The following C1orf198 variants were observed in gnomAD, a reference collection of about 807,000 sequenced individuals.
C1orf198 encodes uncharacterized protein C1orf198.
A neutral mutation model predicts 31.4 loss-of-function variants in C1orf198; 17 were observed. The observed-to-expected ratio is 0.54, with a 90% confidence interval of 0.37 to 0.81. The LOEUF (loss-of-function observed/expected upper bound fraction) is 0.81. Ranked by LOEUF, C1orf198 falls within the 40% of genes least tolerant of loss-of-function variation. The pLI, the probability that C1orf198 is intolerant of heterozygous loss-of-function variation, is 0.00. For missense variants in C1orf198, 401 were observed against 450.3 expected (o/e 0.89, Z 0.99); for synonymous variants, 175 against 193.8 (o/e 0.90, Z 0.81).
Position 230,857,214 on chromosome 1 carries a change from G to A in C1orf198, c.334-1496C>T, listed in dbSNP as rs1296967558. Among the ~76,000 whole-genome samples, 1 of 152,174 alleles carries A rather than the reference G, an allele frequency of 6.6e-6. No homozygotes were observed. Among genetic ancestry groups the A allele is most frequent in the Non-Finnish European group, 1.5e-5 (1 of 68,028 alleles). ...AAGAAGCGGGGACAGGGAAGGAAGT[G>A]TGTGATGACTCCCCAGCACAGCCCA... On this transcript the variant is annotated intron_variant, in intron 1 of 3. Transcript: ENST00000366663. This position sits in a 1 kb window ranked among gnomAD's most constrained non-coding sequence, Gnocchi z 4.2.
intron 2 of C1orf198, among the ~76,000 whole-genome samples, chr1:230,852,790 A>G (rs889588181): frequency 1.3e-5 from 2 of 152,266 alleles, no homozygotes; most frequent in Non-Finnish European, 2.9e-5. Flanking sequence ...GAATGACATC[A>G]TACAATCTTA....
At chr1:230,860,298 G>A (rs570450807) in intron 1 of C1orf198, among the ~76,000 whole-genome samples, 6 of 152,156 alleles carry the variant, frequency 3.9e-5, no homozygotes, top group East Asian at 1.9e-4. Flanking sequence ...AAAACGGTTC[G>A]GCAGTTCCTC....
chr1:230,861,600 G>A (rs1375868083), intron 1 of C1orf198, among the ~76,000 whole-genome samples: 1 of 152,222 alleles, frequency 6.6e-6, no homozygotes, highest in Non-Finnish European at 1.5e-5. Flanking sequence ...ACCAGCAAAT[G>A]CTAGAAGTCA....
intron 1 of C1orf198, among the ~76,000 whole-genome samples, chr1:230,856,844 T>C (rs1189813316): frequency 6.6e-6 from 1 of 152,232 alleles, no homozygotes; most frequent in Non-Finnish European, 1.5e-5. Flanking sequence ...CCTGGATAAC[T>C]GTCTTCTTCC....
In C1orf198 at chr1:230,859,936, T is replaced by C. The variant is rs192083612; in HGVS notation, c.334-4218A>G. Among the ~76,000 whole-genome samples, 7 of 152,302 alleles carry C rather than the reference T, an allele frequency of 4.6e-5. No homozygotes were observed. In the East Asian group the frequency reaches 7.7e-4, roughly 17 times the overall value. On this transcript the variant is annotated intron_variant, in intron 1 of 3. Coordinates refer to ENST00000366663, the MANE Select transcript of C1orf198 (RefSeq NM_032800.3). ...ACTTGTTGATAAAAAAAATGGATAC[T>C]GGAGGGCTTAAGAACTCTGTGGTTC... is the stretch of plus-strand genomic sequence containing the variant.
chr1:230,861,728 G>A (rs1380109119), intron 1 of C1orf198, among the ~76,000 whole-genome samples: 4 of 152,190 alleles, frequency 2.6e-5, no homozygotes, highest in African/African-American at 4.8e-5. Context: ...GATGGATAGC[G>A]CCTGCAGAGG....
intron 1 of C1orf198, among the ~76,000 whole-genome samples, chr1:230,865,399 T>G (rs1272087123): frequency 1.3e-5 from 2 of 152,242 alleles, no homozygotes; most frequent in East Asian, 3.8e-4. Flanking sequence ...TGAGATCATA[T>G]GTTCACACGT....
At chr1:230,866,323 T>A (rs1670120100) in intron 1 of C1orf198, among the ~76,000 whole-genome samples, 1 of 152,222 alleles carries the variant, frequency 6.6e-6, no homozygotes, top group Non-Finnish European at 1.5e-5. Context: ...CCCTCTGCTG[T>A]CTGAGCTGAG....
At position 230,868,447 on chromosome 1, in the gene C1orf198, CAGA is replaced by C. The variant is rs1224541820; in HGVS notation, c.63_65del (p.Leu22del). ...TGAAGCGCTTTCGCTCCCGGTCGTC[CAGA>C]GGCCGGTTCCCGCTCATGACCGCCG... On this transcript the variant is annotated inframe_deletion, in exon 1 of 4. Transcript: ENST00000366663. 1 of 1,573,444 alleles carries C rather than the reference CAGA, an allele frequency of 6.4e-7. No homozygotes were observed. The highest frequency in any genetic ancestry group is 1.8e-5 in the Admixed American group (1 of 56,724).
intron 2 of C1orf198, among the ~76,000 whole-genome samples, chr1:230,850,923 C>G (rs1669723719): frequency 6.6e-6 from 1 of 152,110 alleles, no homozygotes; most frequent in Non-Finnish European, 1.5e-5. Context: ...ACAGATAGAC[C>G]TGAGCTCCAA....
chr1:230,849,974 A>C (rs1221325826), intron 2 of C1orf198, among the ~76,000 whole-genome samples: 1 of 152,184 alleles, frequency 6.6e-6, no homozygotes, highest in Non-Finnish European at 1.5e-5. Context: ...GTAAGCAAAC[A>C]AACATCCACC....
intron 2 of C1orf198, among the ~76,000 whole-genome samples, chr1:230,850,273 G>C (rs540135096): frequency 8.5e-5 from 13 of 152,386 alleles, no homozygotes; most frequent in African/African-American, 2.9e-4. Flanking sequence ...GCTTAGGACT[G>C]CCTGGTTCAC....
chr1:230,857,097 C>T lies in C1orf198; in HGVS notation c.334-1379G>A, dbSNP rs1336247454. On this transcript the variant is annotated intron_variant, in intron 1 of 3. Coordinates refer to ENST00000366663, the MANE Select transcript of C1orf198 (RefSeq NM_032800.3). The surrounding 1 kb of genome is among the most constrained non-coding windows in gnomAD (Gnocchi z 4.2). ...CCCGAGTGTGCGTTCTCTGTGCAGA[C>T]GCCTCCTAACATGAACAGCCAGTGG... 3.3e-5 allele frequency among the ~76,000 whole-genome samples: 5 copies of T among 152,156 alleles called. No homozygotes were observed. Among genetic ancestry groups the T allele is most frequent in the Non-Finnish European group, 7.3e-5 (5 of 68,032 alleles).
At chr1:230,847,806 T>C (rs139505531) in intron 2 of C1orf198, among the ~76,000 whole-genome samples, 195 of 152,336 alleles carry the variant, frequency 1.3e-3, no homozygotes, top group African/African-American at 4.4e-3. Context: ...GGGGACAAAG[T>C]TGACTTTGAT....
chr1:230,860,429 C>A lies in C1orf198; in HGVS notation c.334-4711G>T, dbSNP rs376111202. Reference sequence around the variant, plus strand: ...CCCCGATGTTTATAGCTGTGCCATTCACAATAGCCAAAAGATGAAAGCAAC... The same window carrying A: ...CCCCGATGTTTATAGCTGTGCCATTAACAATAGCCAAAAGATGAAAGCAAC... On this transcript the variant is annotated intron_variant, in intron 1 of 3. Transcript: ENST00000366663. 4.8e-4 allele frequency among the ~76,000 whole-genome samples: 73 copies of A among 152,254 alleles called. No homozygotes were observed. In the East Asian group the frequency reaches 0.013, roughly 27 times the overall value.
intron 1 of C1orf198, among the ~76,000 whole-genome samples, chr1:230,856,786 C>T (rs1669884514): frequency 6.6e-6 from 1 of 152,162 alleles, no homozygotes; most frequent in South Asian, 2.1e-4. Flanking sequence ...GAGATCATAT[C>T]CATATCTCCC....
rs1489398310 is a variant in C1orf198, at chr1:230,857,797, C to A, written c.334-2079G>T. On this transcript the variant is annotated intron_variant, in intron 1 of 3. Coordinates refer to ENST00000366663, the MANE Select transcript of C1orf198 (RefSeq NM_032800.3). This position sits in a 1 kb window ranked among gnomAD's most constrained non-coding sequence, Gnocchi z 4.2. ...GAATTACAAAAGTGAGGGAAAAGCC[C>A]TACAAACTGGGTTAAGCTGCATTAA... 6.6e-6 allele frequency among the ~76,000 whole-genome samples: 1 copy of A among 152,154 alleles called. No homozygotes were observed. Among genetic ancestry groups the A allele is most frequent in the Non-Finnish European group, 1.5e-5 (1 of 68,038 alleles).
rs549059928 is a variant in C1orf198 at position 230,843,778 on chromosome 1, G to T, written c.503C>A (p.Ser168Tyr). The T allele has an allele frequency of 6.2e-7, 1 of 1,611,788 alleles. No individual in the cohort carries two copies. The highest frequency in any genetic ancestry group is 8.5e-7 in the Non-Finnish European group (1 of 1,178,520). Reference protein sequence around the residue: ...ASQGSQALKSSQGSRSSSLDA... With the variant: ...ASQGSQALKSYQGSRSSSLDA... ...CAGGCTGGAGGACCTGCTGCCTTGGGAGGACTTGAGGGCCTGGGAGCCCTG... is the reference window on the plus strand; with the variant it reads ...CAGGCTGGAGGACCTGCTGCCTTGGTAGGACTTGAGGGCCTGGGAGCCCTG... The change falls in exon 3 of 4, where the codon TCC (serine) becomes TAC (tyrosine). Residue 168 changes from serine to tyrosine, a missense_variant. Coordinates refer to ENST00000366663, the MANE Select transcript of C1orf198 (RefSeq NM_032800.3). The surrounding 1 kb of genome is among the most constrained non-coding windows in gnomAD (Gnocchi z 4.9).
At chr1:230,850,586 C>T (rs1669714653) in intron 2 of C1orf198, among the ~76,000 whole-genome samples, 1 of 152,004 alleles carries the variant, frequency 6.6e-6, no homozygotes, top group East Asian at 1.9e-4. Context: ...AGTGACGCAT[C>T]GTCCCACACA....
Sources: allele counts gnomAD v4.1 joint callset (sites outside exome capture counted in the v4.1 genomes callset), GRCh38; gene constraint gnomAD v4.1.1; non-coding constraint Gnocchi (gnomAD v3.1); transcripts MANE v1.5; gene names NCBI Gene and HGNC (gene_info 2026-07-23, HGNC 2026-07-21).